Variants in POU2F1 observed in about 807,000 individuals in gnomAD.
The protein encoded by POU2F1 is POU domain, class 2, transcription factor 1.
In POU2F1, 16 loss-of-function variants were observed where a neutral mutation model predicts 84.9. The ratio of observed to expected loss-of-function variants is 0.19; its 90% CI spans 0.13 to 0.29. POU2F1 has a LOEUF of 0.29. Among genes scored for constraint, POU2F1 ranks in the 10% least tolerant of loss-of-function variants. The probability of loss-of-function intolerance (pLI) is 1.00; values close to 1 mark genes in which losing one functional copy is unlikely to be tolerated. For missense variants in POU2F1, 738 were observed against 942.6 expected (o/e 0.78, Z 2.84); for synonymous variants, 368 against 368.3 (o/e 1.00, Z 0.01).
rs1430178611 is a variant in POU2F1 at position 167,314,208 on chromosome 1, A to C, written c.62-18262A>C. ...GCAAGACTCTGTCTCAGAAAAAAAA[A>C]AAAAACAAAACTTCAAAAGAAAGAA... On this transcript the variant is annotated intron_variant, in intron 1 of 15. Transcript: ENST00000367866. 2.7e-5 allele frequency among the ~76,000 whole-genome samples: 4 copies of C among 148,836 alleles called. No individual in the cohort carries two copies. In the East Asian group the frequency reaches 5.8e-4, roughly 22 times the overall value.
intron 1 of POU2F1, among the ~76,000 whole-genome samples, chr1:167,232,450 T>C (rs531101498): frequency 6.6e-5 from 10 of 152,338 alleles, no homozygotes; most frequent in Admixed American, 1.3e-4. Flanking sequence ...TAAGAGCTTA[T>C]AGAATAAGGA....
chr1:167,327,820 T>C (rs1656810040), intron 1 of POU2F1, among the ~76,000 whole-genome samples: 1 of 152,142 alleles, frequency 6.6e-6, no homozygotes, highest in South Asian at 2.1e-4. Context: ...TAGTTTTAAA[T>C]CCTGATTCCG....
intron 1 of POU2F1, among the ~76,000 whole-genome samples, chr1:167,328,351 C>T (rs1222827099): frequency 6.6e-6 from 1 of 152,138 alleles, no homozygotes; most frequent in African/African-American, 2.4e-5. Context: ...TTACTGTTGC[C>T]TCGTTTTAAA....
rs113727460 is a variant in POU2F1 at position 167,424,505 on chromosome 1, A to C, written c.*8695A>C. On this transcript the variant is annotated 3_prime_UTR_variant, in exon 16 of 16. Coordinates refer to ENST00000367866, the MANE Select transcript of POU2F1 (RefSeq NM_002697.4). Reference sequence around the variant, plus strand: ...GGGCTGTTCTACCCACCAGAAGTCCAGGAGCTGTTGTATACCTCATTTCTA... The same window carrying C: ...GGGCTGTTCTACCCACCAGAAGTCCCGGAGCTGTTGTATACCTCATTTCTA... The C allele has an allele frequency of 3.3e-5, 5 of 152,354 alleles. No homozygotes were observed. The highest frequency in any genetic ancestry group is 1.2e-4 in the African/African-American group (5 of 41,572). The allele number at this position is 152,354 out of a possible 1,614,324, so 9.4% of individuals were successfully genotyped here.
At chr1:167,291,295 A>G (rs1653907934) in intron 1 of POU2F1, among the ~76,000 whole-genome samples, 1 of 152,194 alleles carries the variant, frequency 6.6e-6, no homozygotes, top group South Asian at 2.1e-4. Context: ...TGTGATTTTT[A>G]TCCTTTGCTA....
At chr1:167,285,839 A>G (rs898690505) in intron 1 of POU2F1, among the ~76,000 whole-genome samples, 2 of 152,184 alleles carry the variant, frequency 1.3e-5, no homozygotes, top group Admixed American at 6.5e-5. Context: ...TGTTCCGAGT[A>G]AGCTTCATGG....
chr1:167,248,590 G>C (rs1340396462), intron 1 of POU2F1, among the ~76,000 whole-genome samples: 1 of 152,130 alleles, frequency 6.6e-6, no homozygotes, highest in African/African-American at 2.4e-5. Flanking sequence ...AGTAGTTTGT[G>C]GGGAGGAGGG....
At chr1:167,334,041 A>T (rs1203299367) in intron 2 of POU2F1, among the ~76,000 whole-genome samples, 1 of 152,060 alleles carries the variant, frequency 6.6e-6, no homozygotes, top group Non-Finnish European at 1.5e-5. Flanking sequence ...TGATTGGAAA[A>T]CACTGAAAAT....
chr1:167,390,439 C>T (rs962393789), intron 9 of POU2F1, among the ~76,000 whole-genome samples: 5 of 152,026 alleles, frequency 3.3e-5, no homozygotes, highest in Admixed American at 1.3e-4. Flanking sequence ...GTAAAGATTA[C>T]GGGGTGTATT....
chr1:167,221,074 G>A (rs1285756441), intron 1 of POU2F1, 116 bp downstream of exon 1: 1 of 956,438 alleles, frequency 1.0e-6, no homozygotes, highest in East Asian at 2.8e-5. Context: ...TTAACGGCGG[G>A]GAGATGGGGG....
Position 167,334,700 on chromosome 1 carries a change from C to T in POU2F1, c.127+2165C>T, listed in dbSNP as rs373768751. Among the ~76,000 whole-genome samples the T allele has an allele frequency of 2.1e-4, 32 of 152,178 alleles. No individual in the cohort carries two copies. In the East Asian group the frequency reaches 2.5e-3, roughly 12 times the overall value. ...CCTATCAGACTTGCATATTTACTTA[C>T]CATGTTTGATATATTAGATATAAAA... On this transcript the variant is annotated intron_variant, in intron 2 of 15. Coordinates refer to ENST00000367866, the MANE Select transcript of POU2F1 (RefSeq NM_002697.4).
intron 13 of POU2F1, 114 bp downstream of exon 13, chr1:167,401,670 C>T: frequency 1.8e-6 from 1 of 547,200 alleles, no homozygotes; most frequent in East Asian, 3.5e-5. Flanking sequence ...ATAGGTGTTG[C>T]TCATAAATAT....
At chr1:167,388,949 C>G (rs1557949662) in intron 8 of POU2F1, among the ~76,000 whole-genome samples, 1 of 152,062 alleles carries the variant, frequency 6.6e-6, no homozygotes, top group South Asian at 2.1e-4. Context: ...GAGACAGTGT[C>G]TTGCTCTGTT....
intron 1 of POU2F1, among the ~76,000 whole-genome samples, chr1:167,326,434 A>G (rs1656711038): frequency 6.6e-6 from 1 of 152,242 alleles, no homozygotes; most frequent in Non-Finnish European, 1.5e-5. Flanking sequence ...TAAATGTGCC[A>G]TGGTTGGGGA....
intron 1 of POU2F1, 39 bp from the exon 2 acceptor site, chr1:167,332,431 A>T: frequency 6.5e-7 from 1 of 1,528,390 alleles, no homozygotes; most frequent in South Asian, 1.1e-5. Context: ...CTCCATCCCC[A>T]GTTTTTTAAA....
intron 2 of POU2F1, among the ~76,000 whole-genome samples, chr1:167,356,268 T>C (rs1343930670): frequency 6.7e-6 from 1 of 150,102 alleles, no homozygotes; most frequent in Non-Finnish European, 1.5e-5. Flanking sequence ...TCACGCCTGC[T>C]AGGATTACAG....
intron 1 of POU2F1, among the ~76,000 whole-genome samples, chr1:167,301,491 G>A (rs1238517867): frequency 1.3e-5 from 2 of 152,224 alleles, no homozygotes; most frequent in Non-Finnish European, 2.9e-5. Context: ...TCTGAAGCCA[G>A]TACAGCCTCT....
chr1:167,323,964 A>T (rs143594986), intron 1 of POU2F1, among the ~76,000 whole-genome samples: 1 of 152,304 alleles, frequency 6.6e-6, no homozygotes, highest in Non-Finnish European at 1.5e-5. Context: ...AAGTGTTGGG[A>T]TTACAGGCAT....
At chr1:167,244,291 T>C (rs1382567732) in intron 1 of POU2F1, among the ~76,000 whole-genome samples, 1 of 152,210 alleles carries the variant, frequency 6.6e-6, no homozygotes, top group Non-Finnish European at 1.5e-5. Flanking sequence ...AGCTACAGCC[T>C]CATCTGAAGG....
Sources: allele counts gnomAD v4.1 joint callset (sites outside exome capture counted in the v4.1 genomes callset), GRCh38; gene constraint gnomAD v4.1.1; transcripts MANE v1.5; gene names NCBI Gene and HGNC (gene_info 2026-07-23, HGNC 2026-07-21).